Variants in RAB11FIP5 observed in about 807,000 individuals in gnomAD.
RAB11FIP5 encodes the protein rab11 family-interacting protein 5.
In RAB11FIP5, 48 loss-of-function variants were observed where a neutral mutation model predicts 85.1. That is an observed-to-expected ratio of 0.56 (90% confidence interval 0.45 to 0.72). The LOEUF (loss-of-function observed/expected upper bound fraction) is 0.72. RAB11FIP5 is among the 30% of genes least tolerant of loss of function. The probability of loss-of-function intolerance (pLI) is 0.00; values close to 1 mark genes in which losing one functional copy is unlikely to be tolerated. For synonymous variants in RAB11FIP5, 729 were observed against 727.3 expected (o/e 1.00, Z -0.04); for missense variants, 1,491 against 1,687.0 (o/e 0.88, Z 2.04).
chr2:73,105,900 C>T (rs1432907179), intron 1 of RAB11FIP5, among the ~76,000 whole-genome samples: 1 of 152,080 alleles, frequency 6.6e-6, no homozygotes, highest in East Asian at 1.9e-4. Context: ...TGACTTTGTG[C>T]CATGTGCTGT....
At chr2:73,077,768 C>T (rs1683891714) in intron 4 of RAB11FIP5, among the ~76,000 whole-genome samples, 1 of 152,236 alleles carries the variant, frequency 6.6e-6, no homozygotes, top group Non-Finnish European at 1.5e-5. Context: ...CTCTGGGATC[C>T]TCCAGCACCC....
chr2:73,109,032 G>A (rs1416347010), intron 1 of RAB11FIP5, among the ~76,000 whole-genome samples: 1 of 151,888 alleles, frequency 6.6e-6, no homozygotes, highest in Non-Finnish European at 1.5e-5. Flanking sequence ...GCAACAGAGT[G>A]AGACACTGTC....
chr2:73,112,472 G>T lies in RAB11FIP5; in HGVS notation c.306C>A (p.Ser102=). 1 of 1,476,674 alleles carries T rather than the reference G, an allele frequency of 6.8e-7. No individual in the cohort carries two copies. The highest frequency in any genetic ancestry group is 1.5e-5 in the African/African-American group (1 of 67,896). The allele number at this position is 1,476,674 out of a possible 1,614,324, so 91.5% of individuals were successfully genotyped here. A position where few individuals can be genotyped will look rare whatever the true frequency, so the allele number is the denominator to read the frequency against. ...TGAGCACCAGCTCGCAGGCGGCGGC[G>T]GAGCTCGCGGCCCAGGGCGCCGGGC... ...DAGPAPWAAS[S]AAACELVLTT... is the part of the protein sequence containing the mutation. Residue 102 remains serine (S), a synonymous_variant, in exon 1 of 6, where the codon TCC becomes TCA. Coordinates refer to ENST00000486777, the MANE Select transcript of RAB11FIP5 (RefSeq NM_001371272.1).
rs1161352302 is a variant in RAB11FIP5, at chr2:73,112,680, C to G, written c.98G>C (p.Gly33Ala). 2 of 1,588,602 alleles carry G rather than the reference C, an allele frequency of 1.3e-6. No homozygotes were observed. The change falls in exon 1 of 6, where the codon GGC becomes GCC. Residue 33 changes from glycine (G) to alanine (A), a missense_variant. Around this residue, in one of 3 missense-constraint regions of RAB11FIP5, gnomAD observed 1,211 missense variants for 1,338.0 expected, o/e 0.91. Transcript: ENST00000486777. ...GGTGCTGCCCGCTCCCGAGCTCTTG[C>G]CCCGCAGCCCGCGGGCCCGCAGCAC... ...VTVLRARGLR[G>A]KSSGAGSTSD...
intron 1 of RAB11FIP5, among the ~76,000 whole-genome samples, chr2:73,096,426 T>C (rs1195822616): frequency 6.6e-6 from 1 of 152,166 alleles, no homozygotes; most frequent in African/African-American, 2.4e-5. Context: ...GTGGGGGCTA[T>C]GGGTAGCTGC....
In RAB11FIP5 at chr2:73,076,034, C is replaced by A. The variant is rs1017240497; in HGVS notation, c.3730G>T (p.Ala1244Ser). 1 of 1,614,056 alleles carries A rather than the reference C, an allele frequency of 6.2e-7. No homozygotes were observed. The highest frequency in any genetic ancestry group is 1.3e-5 in the African/African-American group (1 of 75,060). ...TSGSIQPVTQ[A>S]PQAGQMVDTK... ...TCCACCATCTGGCCAGCCTGGGGGG[C>A]CTGGGTCACAGGCTGAATGCTCCCA... The change falls in exon 5 of 6, where the codon GCC (alanine) becomes TCC (serine). Residue 1244 changes from alanine to serine, a missense_variant. Ala to Ser is a moderately conservative substitution (Grantham distance 99, BLOSUM62 1). This residue lies in a region of RAB11FIP5 where 232 missense variants were observed against 259.1 expected (regional missense o/e 0.90). Coordinates refer to ENST00000486777, the MANE Select transcript of RAB11FIP5 (RefSeq NM_001371272.1).
At chr2:73,103,676 G>A (rs1684470675) in intron 1 of RAB11FIP5, among the ~76,000 whole-genome samples, 1 of 152,276 alleles carries the variant, frequency 6.6e-6, no homozygotes, top group East Asian at 1.9e-4. Context: ...GTGATACTGG[G>A]AAGGCACCCT....
At position 73,080,506 on chromosome 2, in the gene RAB11FIP5, G is replaced by C; in HGVS notation, c.2726C>G (p.Thr909Arg). 8.1e-7 allele frequency: 1 copy of C among 1,233,126 alleles called. No individual in the cohort carries two copies. The highest frequency in any genetic ancestry group is 4.1e-5 in the South Asian group (1 of 24,330). The allele number at this position is 1,233,126 out of a possible 1,614,324, so 76.4% of individuals were successfully genotyped here. A position where few individuals can be genotyped will look rare whatever the true frequency, so the allele number is the denominator to read the frequency against. The change falls in exon 4 of 6, where the codon ACA becomes AGA. Residue 909 changes from threonine (T) to arginine (R), a missense_variant. Transcript: ENST00000486777. ...CTCCTCCTCCTGGGATCTTGAGGGT[G>C]TGAAGAGGCGCGGTGGCTTGGGAGG... The part of the protein sequence containing the change: ...TPPPKPPRLF[T>R]PSRSQEEEEE...
chr2:73,095,009 C>CA (rs1457386564), intron 1 of RAB11FIP5, among the ~76,000 whole-genome samples: 1 of 152,078 alleles, frequency 6.6e-6, no homozygotes, highest in Non-Finnish European at 1.5e-5. Flanking sequence ...ATTCCCCTGA[C>CA]ACCCACCTGG....
chr2:73,087,468 T>A (rs1360530776), intron 3 of RAB11FIP5, among the ~76,000 whole-genome samples: 4 of 151,892 alleles, frequency 2.6e-5, no homozygotes, highest in African/African-American at 9.7e-5. Flanking sequence ...CAGAGATGGG[T>A]TACAGATTTC....
At chr2:73,077,208 CCCACTCCCCG>C (rs1683880200) in intron 4 of RAB11FIP5, among the ~76,000 whole-genome samples, 1 of 152,208 alleles carries the variant, frequency 6.6e-6, no homozygotes, top group African/African-American at 2.4e-5. Context: ...TCAGGTGCAT[CCCACTCCCCG>C]CCACACCTCC....
Position 73,075,599 on chromosome 2 carries a change from G to C in RAB11FIP5, c.3897C>G (p.Ser1299Arg), listed in dbSNP as rs530992151. The C allele has an allele frequency of 2.6e-5, 42 of 1,614,156 alleles. 1 individual carries two copies. The South Asian group carries it at 3.8e-4, about 15-fold the overall frequency. Residue 1299 changes from serine to arginine, a missense_variant, in exon 6 of 6, where the codon AGC becomes AGG. Around this residue, in one of 3 missense-constraint regions of RAB11FIP5, gnomAD observed 232 missense variants for 259.1 expected, o/e 0.90. Transcript: ENST00000486777. The surrounding 1 kb of genome is among the most constrained non-coding windows in gnomAD (Gnocchi z 4.6). Reference protein sequence around the residue: ...QRDEHVQELESYIDRLLVRIM... With the variant: ...QRDEHVQELERYIDRLLVRIM... ...TCCGCACCAGCAGCCGGTCGATGTA[G>C]CTCTCCAGCTCCTGCACATGCTCGT...
chr2:73,094,576 G>A (rs1352056448), intron 1 of RAB11FIP5, among the ~76,000 whole-genome samples: 1 of 152,170 alleles, frequency 6.6e-6, no homozygotes, highest in Admixed American at 6.5e-5. Context: ...CAGTGGGTTT[G>A]GGGGTGGGGC....
intron 3 of RAB11FIP5, among the ~76,000 whole-genome samples, chr2:73,083,628 G>A (rs1684041559): frequency 6.6e-6 from 1 of 152,108 alleles, no homozygotes. Flanking sequence ...AGAATCGTGG[G>A]CCCAGAGCCT....
chr2:73,080,593 G>T lies in RAB11FIP5; in HGVS notation c.2639C>A (p.Pro880Gln). 3 of 1,232,440 alleles carry T rather than the reference G, an allele frequency of 2.4e-6. No individual in the cohort carries two copies. Among genetic ancestry groups the T allele is most frequent in the Non-Finnish European group, 3.0e-6 (3 of 988,092 alleles). The allele number at this position is 1,232,440 out of a possible 1,614,324, so 76.3% of individuals were successfully genotyped here. ...CTCGGGTTTAGGCTCGGGCTCCGGT[G>T]GGGGAAGCCCCTCGCTCCCCTTGGG... ...VSPKGSEGLPPPEPEPKPEWV... is the reference protein window; with the variant it reads ...VSPKGSEGLPQPEPEPKPEWV... Residue 880 changes from proline (P) to glutamine (Q), a missense_variant, in exon 4 of 6, where the codon CCA becomes CAA. Physicochemically the swap from Pro to Gln is moderately conservative, Grantham distance 76. Transcript: ENST00000486777.
In RAB11FIP5 at chr2:73,080,816, T is replaced by C; in HGVS notation, c.2416A>G (p.Ser806Gly). 1 of 1,232,248 alleles carries C rather than the reference T, an allele frequency of 8.1e-7. No individual in the cohort carries two copies. Among genetic ancestry groups the C allele is most frequent in the Non-Finnish European group, 1.0e-6 (1 of 988,102 alleles). 76.3% of individuals were successfully genotyped at this position (1,232,248 alleles called of 1,614,324 possible). Residue 806 changes from serine (S) to glycine (G), a missense_variant, in exon 4 of 6, where the codon AGC becomes GGC. Ser to Gly is a moderately conservative substitution (Grantham distance 56). Coordinates refer to ENST00000486777, the MANE Select transcript of RAB11FIP5 (RefSeq NM_001371272.1). Reference protein sequence around the residue: ...SVWERLPGPESAAEGQDDESS... With the variant: ...SVWERLPGPEGAAEGQDDESS... The stretch of plus-strand genomic sequence containing the variant: ...TCATCGTCCTGGCCCTCAGCAGCGC[T>C]CTCTGGGCCCGGCAGCCTCTCCCAC...
intron 3 of RAB11FIP5, among the ~76,000 whole-genome samples, chr2:73,084,896 T>C (rs1276514030): frequency 6.6e-6 from 1 of 152,228 alleles, no homozygotes; most frequent in East Asian, 1.9e-4. Context: ...CACGACCTCC[T>C]GACCCTCCTG....
In RAB11FIP5 at chr2:73,080,548, A is replaced by AG; in HGVS notation, c.2683dup (p.Leu895ProfsTer33). 1 of 1,232,512 alleles carries AG rather than the reference A, an allele frequency of 8.1e-7. No individual in the cohort carries two copies. Among genetic ancestry groups the AG allele is most frequent in the Non-Finnish European group, 1.0e-6 (1 of 988,106 alleles). 76.3% of individuals were successfully genotyped at this position (1,232,512 alleles called of 1,614,324 possible). A position where few individuals can be genotyped will look rare whatever the true frequency, so the allele number is the denominator to read the frequency against. On this transcript the variant is annotated frameshift_variant, in exon 4 of 6. Transcript: ENST00000486777. LOFTEE classifies it high-confidence loss of function. ...CTTGGGAGGTGGGGTGCTGGGCTGC[A>AG]GCCCCTTGTCAGACACCCACTCGGG...
At chr2:73,098,135 T>G (rs1684358774) in intron 1 of RAB11FIP5, among the ~76,000 whole-genome samples, 2 of 152,206 alleles carry the variant, frequency 1.3e-5, no homozygotes, top group Non-Finnish European at 2.9e-5. Flanking sequence ...GCTGGCTGTG[T>G]GACCTCATAT....
Sources: allele counts gnomAD v4.1 joint callset (sites outside exome capture counted in the v4.1 genomes callset), GRCh38; gene constraint gnomAD v4.1.1; regional missense constraint gnomAD v4.1.1; non-coding constraint Gnocchi (gnomAD v3.1); transcripts MANE v1.5; gene names NCBI Gene and HGNC (gene_info 2026-07-23, HGNC 2026-07-21).